Variants in SELP observed in about 807,000 individuals in gnomAD.
SELP encodes P-selectin.
Under a neutral mutation model 104.1 loss-of-function variants are expected in SELP, and 92 were observed. The ratio of observed to expected loss-of-function variants is 0.88; its 90% CI spans 0.75 to 1.05. The LOEUF (loss-of-function observed/expected upper bound fraction) is 1.05, where lower values mean the gene tolerates loss of function less well. SELP is among the 50% of genes least tolerant of loss of function. SELP has a pLI of 0.00. For missense variants in SELP, 1,022 were observed against 1,017.3 expected (o/e 1.00, Z -0.06); for synonymous variants, 397 against 364.5 (o/e 1.09, Z -1.01).
At chr1:169,628,249 A>C (rs561237987) in intron 1 of SELP, among the ~76,000 whole-genome samples, 5 of 152,200 alleles carry the variant, frequency 3.3e-5, no homozygotes, top group Admixed American at 1.3e-4. Flanking sequence ...TAAGTTCCCA[A>C]TCAAGAGCTA....
rs1571629647 is a variant in SELP, at chr1:169,599,344, C to A, written c.1706-2168G>T. Among the ~76,000 whole-genome samples the A allele has an allele frequency of 5.0e-5, 6 of 120,792 alleles. No homozygotes were observed. In the South Asian group the frequency reaches 1.3e-3, roughly 26 times the overall value. The allele number at this position is 120,792 out of a possible 152,430, so 79.2% of individuals were successfully genotyped here. A position where few individuals can be genotyped will look rare whatever the true frequency, so the allele number is the denominator to read the frequency against. ...AGAAGTGGTCATATTCTTGAGCCTA[C>A]TCTAAAACTTTGGCAAAAAAAAAAA... On this transcript the variant is annotated intron_variant, in intron 10 of 16. Transcript: ENST00000263686.
chr1:169,610,253 G>A (rs573569339), intron 7 of SELP, among the ~76,000 whole-genome samples: 90 of 151,830 alleles, frequency 5.9e-4, no homozygotes, highest in Admixed American at 4.5e-3. Flanking sequence ...GATCCTGACC[G>A]GGCTTTGTCT....
chr1:169,608,885 G>GC (rs1662340224), intron 8 of SELP, among the ~76,000 whole-genome samples: 1 of 151,934 alleles, frequency 6.6e-6, no homozygotes, highest in Admixed American at 6.6e-5. Flanking sequence ...CACCACACCC[G>GC]CCCCCCATGA....
chr1:169,612,361 T>G lies in SELP; in HGVS notation c.817A>C (p.Met273Leu). 6.2e-7 allele frequency: 1 copy of G among 1,614,126 alleles called. No homozygotes were observed. Among genetic ancestry groups the G allele is most frequent in the Non-Finnish European group, 8.5e-7 (1 of 1,179,990 alleles). Reference sequence around the variant, plus strand: ...GCTTTTGCAGAATGAAGGCAGGTCATGTTTCCTCGTTCAGGAATCTTCAGG... The same window carrying G: ...GCTTTTGCAGAATGAAGGCAGGTCAGGTTTCCTCGTTCAGGAATCTTCAGG... ...PPLKIPERGNMTCLHSAKAFQ... is the reference protein window; with the variant it reads ...PPLKIPERGNLTCLHSAKAFQ... Residue 273 changes from methionine (M) to leucine (L), a missense_variant, in exon 6 of 17, where the codon ATG (methionine) becomes CTG (leucine). Physicochemically the swap from Met to Leu is conservative, Grantham distance 15. Coordinates refer to ENST00000263686, the MANE Select transcript of SELP (RefSeq NM_003005.4).
chr1:169,624,134 G>C (rs1362675872), intron 1 of SELP, among the ~76,000 whole-genome samples: 1 of 152,176 alleles, frequency 6.6e-6, no homozygotes, highest in Admixed American at 6.5e-5. Flanking sequence ...ATGGAGAATG[G>C]ATGATGTTTA....
Position 169,610,267 on chromosome 1 carries a change from G to C in SELP, c.1148-578C>G, listed in dbSNP as rs1211765662. Among the ~76,000 whole-genome samples, 7 of 152,034 alleles carry C rather than the reference G, an allele frequency of 4.6e-5. No individual in the cohort carries two copies. The East Asian group carries it at 9.7e-4, about 21-fold the overall frequency. On this transcript the variant is annotated intron_variant, in intron 7 of 16. Transcript: ENST00000263686. ...TGATCCTGACCGGGCTTTGTCTCTAGAACACAGGATGTCATCCTAATCAGA... is the reference window on the plus strand; with the variant it reads ...TGATCCTGACCGGGCTTTGTCTCTACAACACAGGATGTCATCCTAATCAGA...
chr1:169,606,804 T>C (rs1662225424), intron 9 of SELP, 145 bp downstream of exon 9: 2 of 723,186 alleles, frequency 2.8e-6, no homozygotes, highest in South Asian at 4.0e-5. Context: ...CCTTGGGTTA[T>C]AGGACAAGAG....
Position 169,608,018 on chromosome 1 carries a change from G to C in SELP, c.1334-884C>G, listed in dbSNP as rs111275916. On this transcript the variant is annotated intron_variant, in intron 8 of 16. Transcript: ENST00000263686. ...TGGCTTGAATAATCCCTTATGATCC[G>C]TTTTAAGTGTGTCAAAGAGCTCATT... is the stretch of plus-strand genomic sequence containing the variant. 5.3e-4 allele frequency among the ~76,000 whole-genome samples: 81 copies of C among 152,142 alleles called. 1 individual carries two copies. Among genetic ancestry groups the C allele is most frequent in the Middle Eastern group, 6.8e-3 (2 of 292 alleles).
At chr1:169,612,815 A>G in intron 5 of SELP, 114 bp downstream of exon 5, 1 of 870,924 alleles carries the variant, frequency 1.1e-6, no homozygotes, top group Non-Finnish European at 1.7e-6. Flanking sequence ...AGAGTTTTCC[A>G]TCTAACCTAG....
At position 169,597,053 on chromosome 1, in the gene SELP, C is replaced by T; in HGVS notation, c.1829G>A (p.Gly610Glu). The T allele has an allele frequency of 1.2e-6, 2 of 1,613,206 alleles. No homozygotes were observed. Among genetic ancestry groups the T allele is most frequent in the Non-Finnish European group, 1.7e-6 (2 of 1,179,564 alleles). ...AGTTGTGCATTCCACATTATTGGGC[C>T]CCTCCAGCTTAAAGCCGTTGTCACA... ...FSCDNGFKLE[G>E]PNNVECTTSG... The change falls in exon 11 of 17, where the codon GGG becomes GAG. Residue 610 changes from glycine (G) to glutamate (E), a missense_variant. Gly to Glu is a moderately conservative substitution (Grantham distance 98). Coordinates refer to ENST00000263686, the MANE Select transcript of SELP (RefSeq NM_003005.4).
chr1:169,608,911 A>G (rs924444516), intron 8 of SELP, among the ~76,000 whole-genome samples: 1 of 152,194 alleles, frequency 6.6e-6, no homozygotes, highest in African/African-American at 2.4e-5. Flanking sequence ...TTAGTATAAG[A>G]GCAAAAGATT....
At chr1:169,629,531 G>A (rs988253950) in intron 1 of SELP, among the ~76,000 whole-genome samples, 4 of 152,208 alleles carry the variant, frequency 2.6e-5, no homozygotes, top group African/African-American at 7.2e-5. Flanking sequence ...GAAACTATGT[G>A]GATATTCCAG....
At chr1:169,614,806 T>C (rs1571663136) in intron 3 of SELP, among the ~76,000 whole-genome samples, 1 of 151,916 alleles carries the variant, frequency 6.6e-6, no homozygotes, top group South Asian at 2.1e-4. Context: ...CTGGGAAGGG[T>C]TCAAATAAAG....
chr1:169,594,255 A>G lies in SELP; in HGVS notation c.2287+437T>C, dbSNP rs138134828. On this transcript the variant is annotated intron_variant, in intron 13 of 16. Coordinates refer to ENST00000263686, the MANE Select transcript of SELP (RefSeq NM_003005.4). The stretch of plus-strand genomic sequence containing the variant: ...GGCAGTCAGGACAAGCTATGAGGGG[A>G]AAAAATAGGGGGCTGAAATATACCT... Among the ~76,000 whole-genome samples the G allele has an allele frequency of 1.3e-3, 192 of 152,282 alleles. 3 individuals carry two copies. In the East Asian group the frequency reaches 0.031, roughly 25 times the overall value.
At chr1:169,620,582 ACTG>A (rs1190420204) in intron 1 of SELP, among the ~76,000 whole-genome samples, 1 of 152,080 alleles carries the variant, frequency 6.6e-6, no homozygotes, top group Non-Finnish European at 1.5e-5. Flanking sequence ...TCCCAGCCAG[ACTG>A]CTACCTAAAA....
At chr1:169,596,474 C>T (rs1165947701) in intron 11 of SELP, among the ~76,000 whole-genome samples, 1 of 152,212 alleles carries the variant, frequency 6.6e-6, no homozygotes, top group Non-Finnish European at 1.5e-5. Context: ...GCCTGCCCAA[C>T]CCTGCCTTAT....
Position 169,595,940 on chromosome 1 carries a change from T to C in SELP, c.2086A>G (p.Thr696Ala). The C allele has an allele frequency of 6.2e-7, 1 of 1,613,498 alleles. No individual in the cohort carries two copies. The highest frequency in any genetic ancestry group is 8.5e-7 in the Non-Finnish European group (1 of 1,179,712). ...TTCACCTTACCTCTGCATGCTGGAGTTACTGCTGTCCATTGTCCTGAAGGT... is the reference window on the plus strand; with the variant it reads ...TTCACCTTACCTCTGCATGCTGGAGCTACTGCTGTCCATTGTCCTGAAGGT... ...CRPSGQWTAV[T>A]PACRAVKCSE... Residue 696 changes from threonine (T) to alanine (A), a missense_variant, in exon 12 of 17, where the codon ACT (threonine) becomes GCT (alanine). By Grantham distance (58) the Thr-to-Ala change is moderately conservative (BLOSUM62 0). Coordinates refer to ENST00000263686, the MANE Select transcript of SELP (RefSeq NM_003005.4).
chr1:169,624,096 G>C (rs867025742), intron 1 of SELP, among the ~76,000 whole-genome samples: 3 of 152,190 alleles, frequency 2.0e-5, no homozygotes, highest in African/African-American at 7.2e-5. Flanking sequence ...TAACTGTAAG[G>C]CAACTGATAG....
chr1:169,617,142 T>G lies in SELP; in HGVS notation c.367A>C (p.Asn123His). 6.2e-7 allele frequency: 1 copy of G among 1,614,146 alleles called. No individual in the cohort carries two copies. The highest frequency in any genetic ancestry group is 8.5e-7 in the Non-Finnish European group (1 of 1,180,026). ...CAGTCCTCGTTGTTCCTTTTGTTGT[T>G]AGGTTCATTATCAGCCCAGTTCTCA... ...EAENWADNEP[N>H]NKRNNEDCVE... Residue 123 changes from asparagine (N) to histidine (H), a missense_variant, in exon 3 of 17, where the codon AAC becomes CAC. Coordinates refer to ENST00000263686, the MANE Select transcript of SELP (RefSeq NM_003005.4).
Sources: gnomAD v4.1 joint callset for allele counts (sites outside exome capture counted in the v4.1 genomes callset) on GRCh38, gnomAD v4.1.1 for gene constraint, MANE v1.5 for transcripts, NCBI Gene and HGNC (gene_info 2026-07-23, HGNC 2026-07-21) for gene names.